Variants in ZFAND3 observed in about 807,000 individuals in gnomAD.
ZFAND3 encodes AN1-type zinc finger protein 3.
A neutral mutation model predicts 29.6 loss-of-function variants in ZFAND3; 10 were observed. That is an observed-to-expected ratio of 0.34 (90% confidence interval 0.21 to 0.57). The LOEUF is 0.57. Among genes scored for constraint, ZFAND3 ranks in the 20% least tolerant of loss-of-function variants. ZFAND3 has a pLI of 0.86. For synonymous variants in ZFAND3, 128 were observed against 112.6 expected, an observed-to-expected ratio of 1.14 and a Z score of -0.87; for missense variants, 230 against 304.5, an observed-to-expected ratio of 0.76 and a Z score of 1.82.
chr6:38,111,358 G>A (rs1479904272), intron 4 of ZFAND3, among the ~76,000 whole-genome samples: 3 of 152,176 alleles, frequency 2.0e-5, no homozygotes, highest in Non-Finnish European at 4.4e-5. Flanking sequence ...AAATAATACA[G>A]TATAACAACT....
intron 2 of ZFAND3, among the ~76,000 whole-genome samples, chr6:37,958,807 A>G (rs539054431): frequency 6.6e-6 from 1 of 152,232 alleles, no homozygotes; most frequent in Non-Finnish European, 1.5e-5. Context: ...ACAATTGTAA[A>G]TTTCCATAGG....
At chr6:38,075,827 C>T (rs530273551) in intron 3 of ZFAND3, among the ~76,000 whole-genome samples, 1 of 152,278 alleles carries the variant, frequency 6.6e-6, no homozygotes, top group South Asian at 2.1e-4. Context: ...TCTCTGCTCA[C>T]TGCAACCTCC....
chr6:38,088,393 G>C (rs1232703906), intron 4 of ZFAND3: 1 of 152,190 alleles, frequency 6.6e-6, no homozygotes, highest in African/African-American at 2.4e-5. Flanking sequence ...CAGAGGCTGG[G>C]AAGGGTACTG....
intron 5 of ZFAND3, among the ~76,000 whole-genome samples, chr6:38,121,540 T>C (rs1272265115): frequency 6.6e-6 from 1 of 152,224 alleles, no homozygotes; most frequent in Admixed American, 6.5e-5. Context: ...CTTTCTGTTT[T>C]TTTATGATAT....
chr6:38,146,946 G>A (rs1766121637), intron 5 of ZFAND3, among the ~76,000 whole-genome samples: 2 of 152,070 alleles, frequency 1.3e-5, no homozygotes, highest in Non-Finnish European at 2.9e-5. Flanking sequence ...TTTTTTATTT[G>A]TACAAATGTA....
intron 2 of ZFAND3, among the ~76,000 whole-genome samples, chr6:37,977,529 C>T (rs1762501304): frequency 6.6e-6 from 1 of 152,122 alleles, no homozygotes; most frequent in South Asian, 2.1e-4. Context: ...TCTTGAACTC[C>T]TGACCTCAAG....
intron 5 of ZFAND3, among the ~76,000 whole-genome samples, chr6:38,151,681 A>G (rs180779820): frequency 4.6e-4 from 70 of 152,204 alleles, no homozygotes; most frequent in Admixed American, 3.0e-3. Context: ...TCTATCTAAT[A>G]CTTTTTCTAG....
intron 1 of ZFAND3, among the ~76,000 whole-genome samples, chr6:37,820,486 C>T (rs1330316447): frequency 6.6e-6 from 1 of 152,228 alleles, no homozygotes; most frequent in Non-Finnish European, 1.5e-5. Flanking sequence ...CTTGCATCAT[C>T]ACTTCCTAGA....
chr6:38,010,904 C>CCTTT (rs1763138353), intron 2 of ZFAND3, among the ~76,000 whole-genome samples: 2 of 131,090 alleles, frequency 1.5e-5, no homozygotes, highest in Admixed American at 7.9e-5. Flanking sequence ...CCCGGCCCAA[C>CCTTT]TTTTTTTTTT....
In ZFAND3 at chr6:37,886,609, G is replaced by A. The variant is rs145716671; in HGVS notation, c.72-43350G>A. On this transcript the variant is annotated intron_variant, in intron 1 of 5. Coordinates refer to ENST00000287218, the MANE Select transcript of ZFAND3 (RefSeq NM_021943.3). ...CTCTTCAGCACTGTTGCTCAGTAAAGCTATTAAGAAGGTGGTACTGAGGTA... is the reference window on the plus strand; with the variant it reads ...CTCTTCAGCACTGTTGCTCAGTAAAACTATTAAGAAGGTGGTACTGAGGTA... Among the ~76,000 whole-genome samples, 19 of 152,292 alleles carry A rather than the reference G, an allele frequency of 1.2e-4. No individual in the cohort carries two copies. In the East Asian group the frequency reaches 3.5e-3, roughly 28 times the overall value.
chr6:37,963,894 G>C (rs1762245498), intron 2 of ZFAND3, among the ~76,000 whole-genome samples: 1 of 152,110 alleles, frequency 6.6e-6, no homozygotes, highest in Non-Finnish European at 1.5e-5. Context: ...ATAAATAGCT[G>C]TGCGTTTTCC....
intron 2 of ZFAND3, among the ~76,000 whole-genome samples, chr6:37,958,255 A>C (rs987715281): frequency 1.3e-5 from 2 of 152,136 alleles, no homozygotes; most frequent in African/African-American, 4.8e-5. Context: ...GGAGTTCGAG[A>C]CCAGCCAGGC....
intron 2 of ZFAND3, among the ~76,000 whole-genome samples, chr6:38,010,750 C>T (rs1291868754): frequency 6.6e-6 from 1 of 151,812 alleles, no homozygotes; most frequent in Non-Finnish European, 1.5e-5. Flanking sequence ...CAGGCGCCTG[C>T]CACCATGCCT....
At chr6:38,148,993 A>G (rs960389085) in intron 5 of ZFAND3, among the ~76,000 whole-genome samples, 3 of 152,146 alleles carry the variant, frequency 2.0e-5, no homozygotes, top group African/African-American at 7.2e-5. Context: ...ACAGTGCCAT[A>G]TATTCTCATT....
At chr6:38,028,083 A>G (rs897253091) in intron 2 of ZFAND3, among the ~76,000 whole-genome samples, 5 of 152,234 alleles carry the variant, frequency 3.3e-5, no homozygotes, top group African/African-American at 1.2e-4. Flanking sequence ...TCAGTTTCTT[A>G]TATCATGGAT....
At chr6:37,896,050 T>C (rs187165339) in intron 1 of ZFAND3, among the ~76,000 whole-genome samples, 116 of 152,328 alleles carry the variant, frequency 7.6e-4, no homozygotes, top group African/African-American at 2.6e-3. Context: ...CTTCCTTACA[T>C]TGAGTAGATT....
At chr6:38,037,825 A>G (rs900791996) in intron 2 of ZFAND3, among the ~76,000 whole-genome samples, 30 of 152,240 alleles carry the variant, frequency 2.0e-4, no homozygotes, top group African/African-American at 7.0e-4. Context: ...TTCACCAAGT[A>G]GAAATAACTG....
intron 1 of ZFAND3, among the ~76,000 whole-genome samples, chr6:37,873,331 C>T (rs1038575547): frequency 6.6e-6 from 1 of 152,212 alleles, no homozygotes; most frequent in Non-Finnish European, 1.5e-5. Flanking sequence ...ATCATTCTTT[C>T]TGTGTGCTAC....
rs1208948368 is a variant in ZFAND3 at position 38,153,394 on chromosome 6, G to A, written c.*1005G>A. The A allele has an allele frequency of 1.0e-6, 1 of 985,400 alleles. No individual in the cohort carries two copies. Among genetic ancestry groups the A allele is most frequent in the East Asian group, 1.1e-4 (1 of 8,826 alleles). The allele number at this position is 985,400 out of a possible 1,614,324, so 61.0% of individuals were successfully genotyped here. On this transcript the variant is annotated 3_prime_UTR_variant, in exon 6 of 6. Coordinates refer to ENST00000287218, the MANE Select transcript of ZFAND3 (RefSeq NM_021943.3). ...CCGCCCGTGCCTCCAGGGGCCAAGA[G>A]GATGATGTCGTGGCCTCCATTCTCG...
Sources: gnomAD v4.1 joint callset for allele counts (sites outside exome capture counted in the v4.1 genomes callset) on GRCh38, gnomAD v4.1.1 for gene constraint, MANE v1.5 for transcripts, NCBI Gene and HGNC (gene_info 2026-07-23, HGNC 2026-07-21) for gene names.